The following GRAMD1B variants were observed in gnomAD, a reference collection of about 807,000 sequenced individuals.
The protein encoded by GRAMD1B is GRAM domain containing 1B, also known as protein Aster-B.
GRAMD1B carries 37 observed loss-of-function variants against 99.7 expected under a neutral mutation model. That is an observed-to-expected ratio of 0.37 (90% CI 0.29 to 0.49). GRAMD1B has a LOEUF of 0.49. Among genes scored for constraint, GRAMD1B ranks in the 20% least tolerant of loss-of-function variants. The pLI is 0.98. For missense variants in GRAMD1B, 888 were observed against 1,009.2 expected (o/e 0.88, Z 1.63); for synonymous variants, 427 against 387.6 (o/e 1.10, Z -1.19).
intron 2 of GRAMD1B, among the ~76,000 whole-genome samples, chr11:123,517,563 C>G (rs1340479710): frequency 6.6e-6 from 1 of 152,156 alleles, no homozygotes; most frequent in Non-Finnish European, 1.5e-5. Context: ...GAGTAAGTTG[C>G]TCAAGGTCAC....
At position 123,581,041 on chromosome 11, in the gene GRAMD1B, C is replaced by G. The variant is rs554623865; in HGVS notation, c.664-3271C>G. Among the ~76,000 whole-genome samples the G allele has an allele frequency of 2.6e-5, 4 of 152,204 alleles. No individual in the cohort carries two copies. In the East Asian group the frequency reaches 7.7e-4, roughly 29 times the overall value. On this transcript the variant is annotated intron_variant, in intron 3 of 19. Transcript: ENST00000635736. ...CCTAGTCCCTGCCCCCCTACCTCCTCCACACCCCGCACCTTACTTAATCTT... is the reference window on the plus strand; with the variant it reads ...CCTAGTCCCTGCCCCCCTACCTCCTGCACACCCCGCACCTTACTTAATCTT...
chr11:123,508,270 GA>G (rs1392243882), intron 2 of GRAMD1B, among the ~76,000 whole-genome samples: 2 of 152,136 alleles, frequency 1.3e-5, no homozygotes, highest in African/African-American at 4.8e-5. Flanking sequence ...GAGTGCCTTA[GA>G]CAGGAAGAAA....
intron 2 of GRAMD1B, among the ~76,000 whole-genome samples, chr11:123,512,099 C>A (rs2135309361): frequency 6.6e-6 from 1 of 152,338 alleles, no homozygotes; most frequent in African/African-American, 2.4e-5. Flanking sequence ...CCACAAACAT[C>A]TGAATAGCCC....
intron 2 of GRAMD1B, among the ~76,000 whole-genome samples, chr11:123,540,013 G>A (rs2135685315): frequency 6.6e-6 from 1 of 151,348 alleles, no homozygotes; most frequent in Middle Eastern, 3.5e-3. Context: ...ATATCATTCT[G>A]TCTTTTATAA....
intron 4 of GRAMD1B, among the ~76,000 whole-genome samples, chr11:123,584,787 G>A (rs1424670195): frequency 6.6e-6 from 1 of 152,146 alleles, no homozygotes; most frequent in African/African-American, 2.4e-5. Context: ...CCTGTCCCAA[G>A]TACCCCTTCA....
intron 9 of GRAMD1B, among the ~76,000 whole-genome samples, chr11:123,604,702 G>A (rs140865942): frequency 0.012 from 1,811 of 152,334 alleles, 14 homozygotes; most frequent in Middle Eastern, 0.034. Flanking sequence ...GAGTTGTCAA[G>A]CATCTGGATT....
chr11:123,397,408 AAAAAC>A (rs148210099), intron 1 of GRAMD1B, among the ~76,000 whole-genome samples: 48,147 of 150,520 alleles, frequency 0.32, 8,312 homozygotes, highest in African/African-American at 0.47. Context: ...CTCTGTCTCA[AAAAAC>A]AAAACAAAAC....
chr11:123,404,192 A>G (rs924007734), intron 1 of GRAMD1B, among the ~76,000 whole-genome samples: 5 of 152,192 alleles, frequency 3.3e-5, no homozygotes, highest in Non-Finnish European at 5.9e-5. Flanking sequence ...TCTCTCATTG[A>G]GAAGCACGTA....
intron 1 of GRAMD1B, among the ~76,000 whole-genome samples, chr11:123,369,620 C>T (rs1946451826): frequency 6.6e-6 from 1 of 152,146 alleles, no homozygotes; most frequent in South Asian, 2.1e-4. Flanking sequence ...GCCTGCCATC[C>T]CAGCAATTTG....
chr11:123,562,976 C>A (rs1028964704), intron 2 of GRAMD1B, among the ~76,000 whole-genome samples: 5 of 152,222 alleles, frequency 3.3e-5, no homozygotes, highest in Admixed American at 1.3e-4. Flanking sequence ...GCGGCTCAGG[C>A]CACTTCTCTG....
Position 123,626,656 on chromosome 11 carries a change from G to C in GRAMD1B, c.*4061G>C, listed in dbSNP as rs961073766. 6.6e-6 allele frequency: 1 copy of C among 152,172 alleles called. No individual in the cohort carries two copies. Among genetic ancestry groups the C allele is most frequent in the Admixed American group, 6.6e-5 (1 of 15,262 alleles). 9.4% of individuals were successfully genotyped at this position (152,172 alleles called of 1,614,324 possible). ...CCTGCCTCCTCCAGGAGGAATCTCC[G>C]GGGCCCCTTCCTGACTCTCCCCACC... is the stretch of plus-strand genomic sequence containing the variant. On this transcript the variant is annotated 3_prime_UTR_variant, in exon 20 of 20. Transcript: ENST00000635736.
At chr11:123,498,165 A>T (rs1259528169) in intron 2 of GRAMD1B, among the ~76,000 whole-genome samples, 1 of 151,826 alleles carries the variant, frequency 6.6e-6, no homozygotes, top group East Asian at 1.9e-4. Flanking sequence ...CAGGTCCAGA[A>T]ATGCTGACCA....
rs1215610520 is a variant in GRAMD1B, at chr11:123,626,726, ACTTGACATC to A, written c.*4147_*4155del. ...CTATGGGACAATCATCCCATTCACC[ACTTGACATC>A]CTTGACATCCTTGACTTTCATTCCC... On this transcript the variant is annotated 3_prime_UTR_variant, in exon 20 of 20. Coordinates refer to ENST00000635736, the MANE Select transcript of GRAMD1B (RefSeq NM_001387025.1). 14 of 152,208 alleles carry A rather than the reference ACTTGACATC, an allele frequency of 9.2e-5. No individual in the cohort carries two copies. The highest frequency in any genetic ancestry group is 1.7e-4 in the African/African-American group (7 of 41,398). 9.4% of individuals were successfully genotyped at this position (152,208 alleles called of 1,614,324 possible).
intron 4 of GRAMD1B, among the ~76,000 whole-genome samples, chr11:123,592,705 CGTTTT>C (rs1174386380): frequency 6.6e-6 from 1 of 151,930 alleles, no homozygotes; most frequent in Non-Finnish European, 1.5e-5. Context: ...TTGTTGTTGT[CGTTTT>C]GTTTTGTTTT....
At chr11:123,547,061 C>T (rs537367117) in intron 2 of GRAMD1B, among the ~76,000 whole-genome samples, 1 of 152,094 alleles carries the variant, frequency 6.6e-6, no homozygotes, top group South Asian at 2.1e-4. Context: ...ATGGAAGAGA[C>T]CCCATGGTTT....
In GRAMD1B at chr11:123,584,620, G is replaced by A. The variant is rs1484076204; in HGVS notation, c.684+288G>A. Among the ~76,000 whole-genome samples, 4 of 152,156 alleles carry A rather than the reference G, an allele frequency of 2.6e-5. No individual in the cohort carries two copies. In the South Asian group the frequency reaches 6.2e-4, roughly 24 times the overall value. On this transcript the variant is annotated intron_variant, in intron 4 of 19. Transcript: ENST00000635736. ...CAACCCTAAAAGAGGAGACCAGTCA[G>A]GGAGGGAGTGGCCATTCCAGACCCT...
At chr11:123,416,165 G>C (rs1379634456) in intron 1 of GRAMD1B, among the ~76,000 whole-genome samples, 1 of 152,170 alleles carries the variant, frequency 6.6e-6, no homozygotes, top group Non-Finnish European at 1.5e-5. Context: ...CATTTCCAAG[G>C]CATTAGTTAC....
chr11:123,549,846 A>G (rs1300362880), intron 2 of GRAMD1B, among the ~76,000 whole-genome samples: 2 of 152,202 alleles, frequency 1.3e-5, no homozygotes, highest in East Asian at 3.8e-4. Context: ...GCCTGTCTGG[A>G]AACAAATGCA....
At chr11:123,460,466 G>A (rs1030761951) in intron 1 of GRAMD1B, 5 of 152,312 alleles carry the variant, frequency 3.3e-5, no homozygotes, top group Non-Finnish European at 7.3e-5. Flanking sequence ...GAGCGTGATT[G>A]GGCAGATTTG....
Sources: allele counts gnomAD v4.1 joint callset (sites outside exome capture counted in the v4.1 genomes callset), GRCh38; gene constraint gnomAD v4.1.1; transcripts MANE v1.5; gene names NCBI Gene and HGNC (gene_info 2026-07-23, HGNC 2026-07-21).